Variants in YES1 observed in about 807,000 individuals in gnomAD.
YES1 encodes YES proto-oncogene 1, Src family tyrosine kinase.
YES1 carries 39 observed loss-of-function variants against 70.4 expected under a neutral mutation model. The observed-to-expected ratio is 0.55, with a 90% CI of 0.43 to 0.72. The LOEUF (loss-of-function observed/expected upper bound fraction) is 0.72, where lower values mean the gene tolerates loss of function less well. Among genes scored for constraint, YES1 ranks in the 30% least tolerant of loss-of-function variants. YES1 has a pLI of 0.00. For synonymous variants in YES1, 198 were observed against 218.6 expected, an observed-to-expected ratio of 0.91 and a Z score of 0.83; for missense variants, 495 against 644.8, an observed-to-expected ratio of 0.77 and a Z score of 2.52.
At chr18:770,268 C>G (rs78431783) in intron 1 of YES1, among the ~76,000 whole-genome samples, 1 of 140,136 alleles carries the variant, frequency 7.1e-6, no homozygotes, top group Admixed American at 7.2e-5. Context: ...GCCCTTTTAT[C>G]TTTTTTTTTT....
At chr18:760,315 CAA>C in intron 1 of YES1, among the ~76,000 whole-genome samples, 2 of 152,136 alleles carry the variant, frequency 1.3e-5, no homozygotes, top group Admixed American at 1.3e-4. Flanking sequence ...ACTAAAAATA[CAA>C]AAGTTAGCCA....
intron 1 of YES1, among the ~76,000 whole-genome samples, chr18:778,339 A>G (rs984347520): frequency 1.3e-5 from 2 of 150,982 alleles, no homozygotes; most frequent in South Asian, 2.1e-4. Flanking sequence ...AACAAACATG[A>G]TAACATTATT....
intron 1 of YES1, among the ~76,000 whole-genome samples, chr18:808,987 G>GA (rs1907237071): frequency 6.6e-6 from 1 of 152,108 alleles, no homozygotes; most frequent in African/African-American, 2.4e-5. Flanking sequence ...TACTGTTCTA[G>GA]AAAACCGAAA....
At chr18:733,297 A>AGTACAGTCTGGCACC (rs2080112807) in intron 10 of YES1, among the ~76,000 whole-genome samples, 1 of 152,196 alleles carries the variant, frequency 6.6e-6, no homozygotes, top group Admixed American at 6.5e-5. Context: ...CTGGCACCTA[A>AGTACAGTCTGGCACC]TAGCTGTAGT....
intron 1 of YES1, among the ~76,000 whole-genome samples, chr18:791,541 T>G (rs1280698180): frequency 6.6e-6 from 1 of 152,088 alleles, no homozygotes; most frequent in Non-Finnish European, 1.5e-5. Context: ...CTCAGGCAAT[T>G]TAGCTCCAGA....
intron 1 of YES1, among the ~76,000 whole-genome samples, chr18:759,915 T>G (rs1033644158): frequency 7.1e-6 from 1 of 139,916 alleles, no homozygotes; most frequent in East Asian, 2.4e-4. Flanking sequence ...TGTGTCCAAG[T>G]GTTCTCATTG....
At position 750,432 on chromosome 18, in the gene YES1, TTGTGGGAGGCTGC is replaced by T. The variant is rs752733560; in HGVS notation, c.371+1260_371+1272del. ...ACACCTTGGACTTGATCATTCTTTG[TTGTGGGAGGCTGC>T]TGTGTGCGTTTTAAGATATTTACCA... On this transcript the variant is annotated intron_variant, in intron 3 of 11. Transcript: ENST00000314574. Among the ~76,000 whole-genome samples the T allele has an allele frequency of 6.6e-5, 10 of 152,224 alleles. 1 individual carries two copies. Among genetic ancestry groups the T allele is most frequent in the Non-Finnish European group, 1.2e-4 (8 of 68,044 alleles).
At chr18:734,141 T>C (rs2080123849) in intron 10 of YES1, among the ~76,000 whole-genome samples, 1 of 150,658 alleles carries the variant, frequency 6.6e-6, no homozygotes, top group Non-Finnish European at 1.5e-5. Flanking sequence ...TAGCCAGGTG[T>C]GGTGGTGCAT....
At chr18:808,958 A>T (rs79927192) in intron 1 of YES1, among the ~76,000 whole-genome samples, 292 of 152,340 alleles carry the variant, frequency 1.9e-3, no homozygotes, top group Non-Finnish European at 3.4e-3. Context: ...CTAAGGCTGA[A>T]ATTACTGATC....
At chr18:740,626 TG>T (rs1334210281) in intron 8 of YES1, among the ~76,000 whole-genome samples, 2 of 152,156 alleles carry the variant, frequency 1.3e-5, no homozygotes, top group African/African-American at 4.8e-5. Context: ...CTGGAGTGCA[TG>T]GGACAATGAG....
chr18:799,973 ACTC>A (rs1218354406), intron 1 of YES1, among the ~76,000 whole-genome samples: 4 of 152,238 alleles, frequency 2.6e-5, no homozygotes, highest in South Asian at 2.1e-4. Flanking sequence ...AAAAAACAGA[ACTC>A]CTATATTGTA....
At chr18:776,236 C>A (rs1018794885) in intron 1 of YES1, among the ~76,000 whole-genome samples, 1 of 151,878 alleles carries the variant, frequency 6.6e-6, no homozygotes, top group African/African-American at 2.4e-5. Flanking sequence ...CTCTGTCGCC[C>A]AGGCTGGAGT....
At chr18:731,462 G>C (rs1406455281) in intron 11 of YES1, among the ~76,000 whole-genome samples, 2 of 152,140 alleles carry the variant, frequency 1.3e-5, no homozygotes, top group Non-Finnish European at 2.9e-5. Context: ...ACAGCTGGAG[G>C]GAACTGTAGG....
intron 1 of YES1, among the ~76,000 whole-genome samples, chr18:765,754 A>C (rs567349077): frequency 3.9e-5 from 6 of 152,354 alleles, no homozygotes; most frequent in Admixed American, 1.3e-4. Flanking sequence ...ACTTTCAGGA[A>C]GAAAATGGCT....
chr18:737,175 G>T, intron 9 of YES1: 1 of 470,226 alleles, frequency 2.1e-6, no homozygotes, highest in Non-Finnish European at 3.7e-6. Context: ...AACACTGGCT[G>T]GGTGCGGTGG....
intron 1 of YES1, among the ~76,000 whole-genome samples, chr18:775,590 A>T (rs907217725): frequency 6.6e-6 from 1 of 152,170 alleles, no homozygotes; most frequent in Non-Finnish European, 1.5e-5. Context: ...TGAGCCCAGG[A>T]GTTTGAGACC....
intron 1 of YES1, among the ~76,000 whole-genome samples, chr18:780,352 T>C (rs2145795299): frequency 6.6e-6 from 1 of 152,266 alleles, no homozygotes; most frequent in South Asian, 2.1e-4. Flanking sequence ...CATGTATGGA[T>C]TACTAAAGGA....
rs559048998 is a variant in YES1 at position 771,343 on chromosome 18, G to C, written c.-8-14508C>G. The stretch of plus-strand genomic sequence containing the variant: ...GATTGCACCACTACACTACAGCCTG[G>C]GGAATAAGAGCAAAACTTTGTCTCA... On this transcript the variant is annotated intron_variant, in intron 1 of 11. Coordinates refer to ENST00000314574, the MANE Select transcript of YES1 (RefSeq NM_005433.4). 5.9e-5 allele frequency among the ~76,000 whole-genome samples: 9 copies of C among 151,932 alleles called. No individual in the cohort carries two copies. The South Asian group carries it at 1.7e-3, about 28-fold the overall frequency.
chr18:799,056 T>C (rs1458590444), intron 1 of YES1, among the ~76,000 whole-genome samples: 3 of 152,230 alleles, frequency 2.0e-5, no homozygotes, highest in African/African-American at 7.2e-5. Context: ...ATTTCTTAAA[T>C]GTGTTAGTCC....
Sources: allele counts gnomAD v4.1 joint callset (sites outside exome capture counted in the v4.1 genomes callset), GRCh38; gene constraint gnomAD v4.1.1; transcripts MANE v1.5; gene names NCBI Gene and HGNC (gene_info 2026-07-23, HGNC 2026-07-21).